The following SRPK1 variants were observed in gnomAD, a reference collection of about 807,000 sequenced individuals.
SRPK1 encodes SRSF protein kinase 1, also known as SFRS protein kinase 1.
SRPK1 carries 52 observed loss-of-function variants against 89.5 expected under a neutral mutation model. That is an observed-to-expected ratio of 0.58 (90% confidence interval 0.46 to 0.73). The LOEUF is 0.73. SRPK1 is among the 30% of genes least tolerant of loss of function. SRPK1 has a pLI of 0.00. For missense variants in SRPK1, 603 were observed against 780.6 expected (o/e 0.77, Z 2.71); for synonymous variants, 255 against 270.2 (o/e 0.94, Z 0.55).
chr6:35,889,375 C>T (rs902962383), intron 3 of SRPK1, among the ~76,000 whole-genome samples: 1 of 151,914 alleles, frequency 6.6e-6, no homozygotes, highest in Admixed American at 6.6e-5. Context: ...AGCCCAGGCA[C>T]GGTGGCTCAT....
intron 12 of SRPK1, among the ~76,000 whole-genome samples, chr6:35,858,492 T>C (rs1581999342): frequency 2.0e-5 from 3 of 152,198 alleles, no homozygotes; most frequent in South Asian, 4.1e-4. Context: ...AAAAGTTTCA[T>C]ATAAAGATCA....
intron 2 of SRPK1, among the ~76,000 whole-genome samples, chr6:35,919,273 G>C (rs1771175626): frequency 6.6e-6 from 1 of 152,180 alleles, no homozygotes; most frequent in African/African-American, 2.4e-5. Context: ...AATGGAGCAA[G>C]AGGTGAGGTC....
intron 13 of SRPK1, among the ~76,000 whole-genome samples, chr6:35,855,097 C>G (rs1041725245): frequency 6.6e-6 from 1 of 152,090 alleles, no homozygotes; most frequent in Non-Finnish European, 1.5e-5. Flanking sequence ...GTCAGGAGAT[C>G]AAGACCATCC....
intron 10 of SRPK1, 88 bp from the exon 11 acceptor site, chr6:35,869,989 TA>T: frequency 7.2e-7 from 1 of 1,387,054 alleles, no homozygotes; most frequent in Non-Finnish European, 9.7e-7. Context: ...AAACATTTTC[TA>T]GAACTTATAC....
rs182347640 is a variant in SRPK1, at chr6:35,900,573, C to T, written c.75-9560G>A. Among the ~76,000 whole-genome samples, 562 of 152,226 alleles carry T rather than the reference C, an allele frequency of 3.7e-3. 1 individual carries two copies. Among genetic ancestry groups the T allele is most frequent in the African/African-American group, 0.013 (525 of 41,522 alleles). On this transcript the variant is annotated intron_variant, in intron 2 of 15. Coordinates refer to ENST00000373825, the MANE Select transcript of SRPK1 (RefSeq NM_003137.5). ...TTCTTGAGTTTTAGCTGGTGAACAGCAGAAGTTGGGACAGCAAAGTCCTAT... is the reference window on the plus strand; with the variant it reads ...TTCTTGAGTTTTAGCTGGTGAACAGTAGAAGTTGGGACAGCAAAGTCCTAT...
Position 35,863,880 on chromosome 6 carries a change from G to A in SRPK1, c.1512+5130C>T, listed in dbSNP as rs541288892. ...ATTATAACACCGTTAATTGTAGTGT[G>A]TAAACTACTCTTACCCTAAGTAGAA... On this transcript the variant is annotated intron_variant, in intron 12 of 15. Transcript: ENST00000373825. 1.5e-3 allele frequency among the ~76,000 whole-genome samples: 223 copies of A among 152,244 alleles called. 3 individuals are homozygous for A. Among genetic ancestry groups the A allele is most frequent in the African/African-American group, 5.0e-3 (206 of 41,534 alleles).
chr6:35,837,326 T>A (rs1423627863), intron 15 of SRPK1, among the ~76,000 whole-genome samples: 1 of 152,216 alleles, frequency 6.6e-6, no homozygotes, highest in Non-Finnish European at 1.5e-5. Context: ...ACCTGCCCTT[T>A]GGTAGAGGCA....
intron 3 of SRPK1, among the ~76,000 whole-genome samples, chr6:35,889,242 T>A (rs930612789): frequency 1.3e-5 from 2 of 152,052 alleles, no homozygotes; most frequent in Non-Finnish European, 2.9e-5. Flanking sequence ...TCTAAACATA[T>A]ATATCTATTT....
At chr6:35,879,063 C>T (rs867314658) in intron 6 of SRPK1, among the ~76,000 whole-genome samples, 1 of 151,846 alleles carries the variant, frequency 6.6e-6, no homozygotes, top group Admixed American at 6.6e-5. Context: ...TGCACTCTAG[C>T]CTGTGTGACA....
Position 35,834,492 on chromosome 6 carries a change from C to T in SRPK1, c.*812G>A, listed in dbSNP as rs1162695055. The stretch of plus-strand genomic sequence containing the variant: ...CAAGTGCAATGAGTAAAGTGCCAGC[C>T]ATGGATACAAAAACAAAAAATAAAA... On this transcript the variant is annotated 3_prime_UTR_variant, in exon 16 of 16. Transcript: ENST00000373825. The T allele has an allele frequency of 6.6e-6, 1 of 152,092 alleles. No individual in the cohort carries two copies. Among genetic ancestry groups the T allele is most frequent in the Non-Finnish European group, 1.5e-5 (1 of 68,018 alleles). 9.4% of individuals were successfully genotyped at this position (152,092 alleles called of 1,614,324 possible).
At chr6:35,860,440 T>C (rs1353921598) in intron 12 of SRPK1, among the ~76,000 whole-genome samples, 6 of 152,252 alleles carry the variant, frequency 3.9e-5, no homozygotes, top group African/African-American at 9.6e-5. Flanking sequence ...GTGTGCCACA[T>C]AGGTAAGAAA....
chr6:35,879,671 A>T (rs972284981), intron 6 of SRPK1, among the ~76,000 whole-genome samples: 2 of 152,212 alleles, frequency 1.3e-5, no homozygotes, highest in African/African-American at 4.8e-5. Flanking sequence ...CATATGAAGA[A>T]ATAGTTAAGT....
chr6:35,871,868 A>G (rs559702589), intron 8 of SRPK1, among the ~76,000 whole-genome samples: 13 of 152,054 alleles, frequency 8.5e-5, no homozygotes, highest in Non-Finnish European at 1.8e-4. Context: ...CAGCCTCCTG[A>G]GTAAATGGAC....
At chr6:35,846,307 T>C (rs1581991702) in intron 13 of SRPK1, among the ~76,000 whole-genome samples, 1 of 150,886 alleles carries the variant, frequency 6.6e-6, no homozygotes, top group African/African-American at 2.4e-5. Flanking sequence ...AATTTGAATA[T>C]AGGCCAGGCG....
intron 12 of SRPK1, among the ~76,000 whole-genome samples, chr6:35,857,704 G>GCC (rs1769694693): frequency 6.6e-6 from 1 of 152,204 alleles, no homozygotes; most frequent in South Asian, 2.1e-4. Context: ...CTGGGCTCAA[G>GCC]TGATCCACCC....
At position 35,886,779 on chromosome 6, in the gene SRPK1, T is replaced by C. The variant is rs370697821; in HGVS notation, c.423A>G (p.Arg141=). 6.2e-7 allele frequency: 1 copy of C among 1,611,316 alleles called. No homozygotes were observed. Among genetic ancestry groups the C allele is most frequent in the Non-Finnish European group, 8.5e-7 (1 of 1,177,656 alleles). The part of the protein sequence containing the change: ...VRNSDPNDPN[R]EMVVQLLDDF... ...CATCTAGTAGTTGAACAACCATTTC[T>C]CTATTTGGATCATTAGGGTCTGAAT... The change falls in exon 6 of 16, where the codon AGA becomes AGG. Residue 141 remains arginine (R), a synonymous_variant. Transcript: ENST00000373825.
chr6:35,896,046 T>G (rs1433903873), intron 2 of SRPK1, among the ~76,000 whole-genome samples: 1 of 152,214 alleles, frequency 6.6e-6, no homozygotes, highest in Non-Finnish European at 1.5e-5. Context: ...AGTAAACATG[T>G]TGCCCTGAGT....
chr6:35,842,970 CT>C lies in SRPK1; in HGVS notation c.1621-367del, dbSNP rs534065184. On this transcript the variant is annotated intron_variant, in intron 13 of 15. Coordinates refer to ENST00000373825, the MANE Select transcript of SRPK1 (RefSeq NM_003137.5). ...GTTATTATTCATGAGAAGAACAGGT[CT>C]TTTTTTTTTTTTTTTGAGACGGAGT... is the stretch of plus-strand genomic sequence containing the variant. Among the ~76,000 whole-genome samples the C allele has an allele frequency of 3.6e-3, 497 of 136,350 alleles. 1 individual carries two copies. Among genetic ancestry groups the C allele is most frequent in the Middle Eastern group, 7.5e-3 (2 of 268 alleles). The allele number at this position is 136,350 out of a possible 152,430, so 89.5% of individuals were successfully genotyped here. A position where few individuals can be genotyped will look rare whatever the true frequency, so the allele number is the denominator to read the frequency against.
chr6:35,886,801 G>C lies in SRPK1; in HGVS notation c.401C>G (p.Ser134Ter). The C allele has an allele frequency of 6.2e-7, 1 of 1,607,064 alleles. No individual in the cohort carries two copies. ...TTCTCTATTTGGATCATTAGGGTCT[G>C]AATTGCGAACCTGTAGTGGGGAAGA... ...EIRLLKSVRN[S>*]DPNDPNREMV... The change falls in exon 6 of 16, where the codon TCA (serine) becomes TGA (stop). Residue 134 changes from serine to a stop codon, truncating the protein, a stop_gained. Transcript: ENST00000373825. LOFTEE classifies it high-confidence loss of function.
Sources: allele counts gnomAD v4.1 joint callset (sites outside exome capture counted in the v4.1 genomes callset), GRCh38; gene constraint gnomAD v4.1.1; transcripts MANE v1.5; gene names NCBI Gene and HGNC (gene_info 2026-07-23, HGNC 2026-07-21).